ATG13: variants seen among roughly 807,000 people sequenced by gnomAD.
ATG13 encodes autophagy related 13, also known as autophagy-related protein 13.
ATG13 carries 23 observed loss-of-function variants against 65.5 expected under a neutral mutation model. The observed-to-expected ratio is 0.35, with a 90% confidence interval of 0.25 to 0.50. The LOEUF (loss-of-function observed/expected upper bound fraction) is 0.50, where lower values mean the gene tolerates loss of function less well. ATG13 is among the 20% of genes least tolerant of loss of function. ATG13 has a pLI of 0.98. For synonymous variants in ATG13, 252 were observed against 245.2 expected (o/e 1.03, Z -0.26); for missense variants, 566 against 677.0 (o/e 0.84, Z 1.82).
At chr11:46,642,373 T>G (rs2056342526) in intron 2 of ATG13, among the ~76,000 whole-genome samples, 1 of 139,604 alleles carries the variant, frequency 7.2e-6, no homozygotes, top group South Asian at 2.4e-4. Context: ...TGGCGCAATC[T>G]CAGCCCACTG....
At chr11:46,635,255 C>T (rs1225163061) in intron 2 of ATG13, among the ~76,000 whole-genome samples, 2 of 152,134 alleles carry the variant, frequency 1.3e-5, no homozygotes, top group Non-Finnish European at 2.9e-5. Context: ...ATCCCCTGCC[C>T]TCAGCTTCCC....
At chr11:46,655,323 G>A (rs1207346159) in intron 7 of ATG13, among the ~76,000 whole-genome samples, 1 of 151,106 alleles carries the variant, frequency 6.6e-6, no homozygotes, top group Non-Finnish European at 1.5e-5. Context: ...GCATGAACCT[G>A]GGAGGCGGAG....
intron 1 of ATG13, among the ~76,000 whole-genome samples, chr11:46,624,184 A>G (rs763815923): frequency 6.6e-5 from 10 of 151,574 alleles, no homozygotes; most frequent in Non-Finnish European, 1.5e-4. Flanking sequence ...TTTGTATTTT[A>G]CTAGAGAAAG....
At position 46,669,390 on chromosome 11, in the gene ATG13, T is replaced by A; in HGVS notation, c.1447-14T>A. ...TTCAAGGCAAGCTAAACTGACTCTGTCTTGTTTTTGAAGAAACCAGCTTTT... is the reference window on the plus strand; with the variant it reads ...TTCAAGGCAAGCTAAACTGACTCTGACTTGTTTTTGAAGAAACCAGCTTTT... On this transcript the variant is annotated splice_polypyrimidine_tract_variant and intron_variant, in intron 17 of 18. Coordinates refer to ENST00000683050, the MANE Select transcript of ATG13 (RefSeq NM_001346311.2). 1 of 1,613,748 alleles carries A rather than the reference T, an allele frequency of 6.2e-7. No homozygotes were observed. The highest frequency in any genetic ancestry group is 8.5e-7 in the Non-Finnish European group (1 of 1,179,794).
At chr11:46,632,583 G>T (rs1327668922) in intron 2 of ATG13, 1 of 152,112 alleles carries the variant, frequency 6.6e-6, no homozygotes, top group Non-Finnish European at 1.5e-5. Context: ...CCTTAATGTA[G>T]ACAGTCATTT....
intron 5 of ATG13, among the ~76,000 whole-genome samples, 156 bp downstream of exon 5, chr11:46,646,145 G>GTTTGT (rs2057473705): frequency 2.0e-5 from 3 of 151,848 alleles, no homozygotes; most frequent in Admixed American, 6.6e-5. Context: ...TTTTTTGTTT[G>GTTTGT]TTTGTTTTGT....
intron 7 of ATG13, among the ~76,000 whole-genome samples, chr11:46,652,944 T>A (rs1029733468): frequency 1.2e-4 from 18 of 151,980 alleles, no homozygotes; most frequent in African/African-American, 4.3e-4. Flanking sequence ...TAAAAAAAGT[T>A]TTTTTAGGAC....
In ATG13 at chr11:46,667,763, TCTC is replaced by T; in HGVS notation, c.1137-5_1137-3del. ...TGAGAACGAGTACTAACTTCACCTTTCTCCTCCAGTGAGGATACTGAAACCGTA... is the reference window on the plus strand; with the variant it reads ...TGAGAACGAGTACTAACTTCACCTTTCTCCAGTGAGGATACTGAAACCGTA... On this transcript the variant is annotated splice_polypyrimidine_tract_variant and splice_region_variant and intron_variant, in intron 14 of 18. Transcript: ENST00000683050. 6.3e-7 allele frequency: 1 copy of T among 1,586,822 alleles called. No individual in the cohort carries two copies. The highest frequency in any genetic ancestry group is 8.6e-7 in the Non-Finnish European group (1 of 1,157,404).
At chr11:46,657,340 G>C in intron 9 of ATG13, 149 bp downstream of exon 9, 2 of 925,196 alleles carry the variant, frequency 2.2e-6, no homozygotes, top group Non-Finnish European at 3.3e-6. Flanking sequence ...CCAGATTGGA[G>C]AATTTGAGTG....
intron 1 of ATG13, chr11:46,625,301 G>C (rs965156740): frequency 8.5e-5 from 11 of 129,846 alleles, no homozygotes; most frequent in Admixed American, 7.9e-5. Context: ...TTTGATACAG[G>C]GTTTTGCTTT....
At chr11:46,656,556 T>G (rs1488221313) in intron 8 of ATG13, among the ~76,000 whole-genome samples, 1 of 152,218 alleles carries the variant, frequency 6.6e-6, no homozygotes, top group East Asian at 1.9e-4. Context: ...ATGTTTCTGA[T>G]GAACAACAAG....
intron 7 of ATG13, among the ~76,000 whole-genome samples, chr11:46,655,078 G>A (rs560483724): frequency 1.3e-5 from 2 of 151,462 alleles, no homozygotes; most frequent in African/African-American, 4.9e-5. Flanking sequence ...CAGCCTGAGC[G>A]ACAGAGCGAG....
At chr11:46,618,914 C>T (rs1442956173) in intron 1 of ATG13, among the ~76,000 whole-genome samples, 2 of 152,132 alleles carry the variant, frequency 1.3e-5, no homozygotes, top group Admixed American at 6.5e-5. Context: ...AACTCCTGGG[C>T]TCAGGGAATC....
intron 7 of ATG13, among the ~76,000 whole-genome samples, chr11:46,655,547 C>T (rs2059876577): frequency 6.6e-6 from 1 of 152,216 alleles, no homozygotes; most frequent in South Asian, 2.1e-4. Flanking sequence ...GCACTGCAGC[C>T]TGGGTGACAG....
chr11:46,668,435 A>T, intron 15 of ATG13, 64 bp from the exon 16 acceptor site: 1 of 1,532,876 alleles, frequency 6.5e-7, no homozygotes, highest in Non-Finnish European at 9.0e-7. Context: ...TCTGGCAACC[A>T]GGAAGGAAGC....
At position 46,617,650 on chromosome 11, in the gene ATG13, G is replaced by A. The variant is rs919202027; in HGVS notation, c.-310G>A. 2 of 385,042 alleles carry A rather than the reference G, an allele frequency of 5.2e-6. No individual in the cohort carries two copies. The highest frequency in any genetic ancestry group is 9.2e-6 in the Non-Finnish European group (2 of 218,196). 23.9% of individuals were successfully genotyped at this position (385,042 alleles called of 1,614,324 possible). A position where few individuals can be genotyped will look rare whatever the true frequency, so the allele number is the denominator to read the frequency against. ...AGGCGGGAGTGACCGCTTAACCAGT[G>A]AGGGAAGCACTGAAGAGCGCCAGTC... On this transcript the variant is annotated 5_prime_UTR_variant, in exon 1 of 19. Coordinates refer to ENST00000683050, the MANE Select transcript of ATG13 (RefSeq NM_001346311.2).
intron 15 of ATG13, 52 bp from the exon 16 acceptor site, chr11:46,668,447 T>TG: frequency 1.3e-6 from 2 of 1,569,774 alleles, no homozygotes; most frequent in Non-Finnish European, 1.8e-6. Context: ...GAAGGAAGCA[T>TG]GAACACTGCA....
chr11:46,659,517 G>C, intron 11 of ATG13, 32 bp downstream of exon 11: 1 of 1,546,054 alleles, frequency 6.5e-7, no homozygotes. Flanking sequence ...GGTGGTGGTA[G>C]TTATTTGGTA....
intron 12 of ATG13, 88 bp from the exon 13 acceptor site, chr11:46,664,761 C>A (rs1188395756): frequency 1.6e-6 from 2 of 1,222,026 alleles, no homozygotes; most frequent in East Asian, 2.3e-5. Flanking sequence ...CCTTATCTCT[C>A]TACTGAGCCA....
Sources: allele counts gnomAD v4.1 joint callset (sites outside exome capture counted in the v4.1 genomes callset), GRCh38; gene constraint gnomAD v4.1.1; transcripts MANE v1.5; gene names NCBI Gene and HGNC (gene_info 2026-07-23, HGNC 2026-07-21).